The following GABRB2 variants were observed in gnomAD, a reference collection of about 807,000 sequenced individuals.
GABRB2 encodes gamma-aminobutyric acid type A receptor subunit beta2, also known as gamma-aminobutyric acid receptor subunit beta-2.
Under a neutral mutation model 54.7 loss-of-function variants are expected in GABRB2, and 16 were observed. That is an observed-to-expected ratio of 0.29 (90% CI 0.20 to 0.44). The LOEUF (loss-of-function observed/expected upper bound fraction) is 0.44. Among genes scored for constraint, GABRB2 ranks in the 20% least tolerant of loss-of-function variants. GABRB2 has a pLI of 1.00. For synonymous variants in GABRB2, 244 were observed against 233.8 expected, an observed-to-expected ratio of 1.04 and a Z score of -0.40; for missense variants, 355 against 644.0, an observed-to-expected ratio of 0.55 and a Z score of 4.86.
intron 9 of GABRB2, among the ~76,000 whole-genome samples, chr5:161,316,347 T>C (rs1427445306): frequency 1.3e-5 from 2 of 151,928 alleles, no homozygotes; most frequent in Non-Finnish European, 2.9e-5. Context: ...TATAGGTACA[T>C]CCAAGATTGG....
chr5:161,397,870 A>T (rs541460129), intron 5 of GABRB2, among the ~76,000 whole-genome samples: 93 of 152,324 alleles, frequency 6.1e-4, no homozygotes, highest in African/African-American at 2.2e-3. Flanking sequence ...CTGACTTCAC[A>T]TCTTATTAGC....
chr5:161,449,325 T>A (rs1015920473), intron 4 of GABRB2, among the ~76,000 whole-genome samples: 6 of 152,186 alleles, frequency 3.9e-5, no homozygotes, highest in African/African-American at 1.4e-4. Flanking sequence ...AATTCAGGAC[T>A]TGACATATAA....
intron 4 of GABRB2, among the ~76,000 whole-genome samples, chr5:161,421,837 G>C (rs915882004): frequency 7.7e-4 from 118 of 152,294 alleles, no homozygotes; most frequent in African/African-American, 2.8e-3. Context: ...GGTGAGCTAT[G>C]ATGAGCTGAA....
intron 8 of GABRB2, among the ~76,000 whole-genome samples, chr5:161,327,404 T>A (rs989730209): frequency 3.9e-5 from 6 of 152,138 alleles, no homozygotes; most frequent in African/African-American, 4.8e-5. Flanking sequence ...ATTTTATTTT[T>A]TTTTGCCAGC....
Position 161,316,760 on chromosome 5 carries a change from T to G in GABRB2, c.1191+9608A>C, listed in dbSNP as rs569302162. Among the ~76,000 whole-genome samples, 5 of 152,096 alleles carry G rather than the reference T, an allele frequency of 3.3e-5. No homozygotes were observed. In the South Asian group the frequency reaches 1.0e-3, roughly 32 times the overall value. On this transcript the variant is annotated intron_variant, in intron 9 of 9. Transcript: ENST00000393959. Reference sequence around the variant, plus strand: ...CTGAGTAGCTGGGATTACAGGTGCCTGCCATTATGCCTGGCTAATTTTTGT... The same window carrying G: ...CTGAGTAGCTGGGATTACAGGTGCCGGCCATTATGCCTGGCTAATTTTTGT...
chr5:161,373,588 C>CT (rs1225742558), intron 5 of GABRB2, among the ~76,000 whole-genome samples: 9 of 152,212 alleles, frequency 5.9e-5, no homozygotes, highest in Non-Finnish European at 8.8e-5. Flanking sequence ...GATAACAGGC[C>CT]TTTTTTTGGA....
At chr5:161,504,178 A>G (rs1759532858) in intron 3 of GABRB2, among the ~76,000 whole-genome samples, 1 of 152,208 alleles carries the variant, frequency 6.6e-6, no homozygotes, top group African/African-American at 2.4e-5. Context: ...AGGATATTGA[A>G]GATGTGAATA....
rs1473728574 is a variant in GABRB2, at chr5:161,460,268, A to ATATATATG, written c.238-425_238-424insCATATATA. On this transcript the variant is annotated intron_variant, in intron 3 of 9. Coordinates refer to ENST00000393959, the MANE Select transcript of GABRB2 (RefSeq NM_001371727.1). The stretch of plus-strand genomic sequence containing the variant: ...GCCAAGAAAACAAATTTATATATAT[A>ATATATATG]TGTGTGTGTGTGTGTGTGTGTGTGT... Among the ~76,000 whole-genome samples the ATATATATG allele has an allele frequency of 4.3e-3, 637 of 148,656 alleles. 9 individuals are homozygous for ATATATATG. Among genetic ancestry groups the ATATATATG allele is most frequent in the African/African-American group, 0.015 (591 of 40,500 alleles).
intron 5 of GABRB2, among the ~76,000 whole-genome samples, chr5:161,337,866 T>C (rs1431384764): frequency 6.6e-6 from 1 of 152,144 alleles, no homozygotes; most frequent in African/African-American, 2.4e-5. Context: ...CAAAGAACTT[T>C]TGCATCTGGA....
chr5:161,414,436 A>T lies in GABRB2; in HGVS notation c.459-3379T>A, dbSNP rs116384321. ...CTCATTTTACTAGAAGTTATTTGGCAGTATGAGTACATGTTTATATACATA... is the reference window on the plus strand; with the variant it reads ...CTCATTTTACTAGAAGTTATTTGGCTGTATGAGTACATGTTTATATACATA... On this transcript the variant is annotated intron_variant, in intron 4 of 9. Coordinates refer to ENST00000393959, the MANE Select transcript of GABRB2 (RefSeq NM_001371727.1). Among the ~76,000 whole-genome samples, 463 of 152,344 alleles carry T rather than the reference A, an allele frequency of 3.0e-3. 5 individuals are homozygous for T. The highest frequency in any genetic ancestry group is 0.011 in the African/African-American group (451 of 41,576).
At position 161,393,299 on chromosome 5, in the gene GABRB2, T is replaced by TAAAAAAAAAA. The variant is rs533308700; in HGVS notation, c.541+17666_541+17675dup. ...TCCCTTTTATAACTCTTTAAAAATGTAAAAAAAAAAAAAAAAAAAAAAAAA... is the reference window on the plus strand; with the variant it reads ...TCCCTTTTATAACTCTTTAAAAATGTAAAAAAAAAAAAAAAAAAAAAAAAAAAAAAAAAAA... On this transcript the variant is annotated intron_variant, in intron 5 of 9. Coordinates refer to ENST00000393959, the MANE Select transcript of GABRB2 (RefSeq NM_001371727.1). Among the ~76,000 whole-genome samples, 10 of 40,326 alleles carry TAAAAAAAAAA rather than the reference T, an allele frequency of 2.5e-4. 3 individuals carry two copies. The highest frequency in any genetic ancestry group is 4.6e-4 in the Non-Finnish European group (10 of 21,638). 26.5% of individuals were successfully genotyped at this position (40,326 alleles called of 152,430 possible).
intron 3 of GABRB2, among the ~76,000 whole-genome samples, chr5:161,503,983 AC>A (rs2113385631): frequency 6.6e-6 from 1 of 152,326 alleles, no homozygotes; most frequent in South Asian, 2.1e-4. Flanking sequence ...AATGACAAAA[AC>A]ATCAATACAT....
chr5:161,366,296 A>T (rs1754971347), intron 5 of GABRB2, among the ~76,000 whole-genome samples: 1 of 152,060 alleles, frequency 6.6e-6, no homozygotes, highest in African/African-American at 2.4e-5. Flanking sequence ...TGAAGCAATG[A>T]CCAAAGAATA....
chr5:161,299,941 T>C (rs1757488792), intron 9 of GABRB2, among the ~76,000 whole-genome samples: 1 of 152,226 alleles, frequency 6.6e-6, no homozygotes, highest in African/African-American at 2.4e-5. Flanking sequence ...ATCTTCAGTA[T>C]GCAGAACAGT....
At chr5:161,320,536 T>G (rs1043070851) in intron 9 of GABRB2, among the ~76,000 whole-genome samples, 2 of 151,902 alleles carry the variant, frequency 1.3e-5, no homozygotes, top group African/African-American at 4.8e-5. Flanking sequence ...TTATTTGGGA[T>G]AGTAATTATG....
At chr5:161,486,413 T>G (rs1758922699) in intron 3 of GABRB2, among the ~76,000 whole-genome samples, 1 of 152,000 alleles carries the variant, frequency 6.6e-6, no homozygotes, top group African/African-American at 2.4e-5. Context: ...CCATTGACTC[T>G]AAATTCCTGG....
intron 5 of GABRB2, among the ~76,000 whole-genome samples, chr5:161,393,252 G>A (rs1755886576): frequency 7.5e-6 from 1 of 134,218 alleles, no homozygotes; most frequent in South Asian, 2.4e-4. Context: ...GAACTGCTAA[G>A]GTATAAGATT....
intron 4 of GABRB2, among the ~76,000 whole-genome samples, chr5:161,456,742 A>G (rs1757965436): frequency 6.6e-6 from 1 of 152,188 alleles, no homozygotes; most frequent in Admixed American, 6.5e-5. Flanking sequence ...AAGTCTCTTA[A>G]TGAGTACTAA....
intron 5 of GABRB2, among the ~76,000 whole-genome samples, chr5:161,400,510 C>T (rs1428769287): frequency 1.3e-5 from 2 of 152,020 alleles, no homozygotes; most frequent in Non-Finnish European, 2.9e-5. Flanking sequence ...TTTTTTAGAT[C>T]TAATGGGCAA....
Sources: gnomAD v4.1 joint callset for allele counts (sites outside exome capture counted in the v4.1 genomes callset) on GRCh38, gnomAD v4.1.1 for gene constraint, MANE v1.5 for transcripts, NCBI Gene and HGNC (gene_info 2026-07-23, HGNC 2026-07-21) for gene names.